Variants in SLC27A6 observed in about 807,000 individuals in gnomAD.
The protein encoded by SLC27A6 is long-chain fatty acid transport protein 6.
A neutral mutation model predicts 63.9 loss-of-function variants in SLC27A6; 74 were observed. The observed-to-expected ratio is 1.16, with a 90% CI of 0.96 to 1.40. SLC27A6 has a LOEUF of 1.40. Ranked by LOEUF, SLC27A6 falls within the 40% of genes most tolerant of loss-of-function variation. The probability of loss-of-function intolerance (pLI) is 0.00; values close to 1 mark genes in which losing one functional copy is unlikely to be tolerated. For missense variants in SLC27A6, 794 were observed against 732.9 expected (o/e 1.08, Z -0.96); for synonymous variants, 287 against 260.8 (o/e 1.10, Z -0.97).
Position 128,985,705 on chromosome 5 carries a change from A to G in SLC27A6, c.685+369A>G, listed in dbSNP as rs115465608. Among the ~76,000 whole-genome samples the G allele has an allele frequency of 3.7e-3, 570 of 152,300 alleles. 1 individual carries two copies. Among genetic ancestry groups the G allele is most frequent in the African/African-American group, 0.013 (534 of 41,558 alleles). On this transcript the variant is annotated intron_variant, in intron 2 of 9. Transcript: ENST00000262462. ...AGCTTCTCTGATCCTCAAATTTCTGATATCTAAAATGAAGAAATTAGTTTA... is the reference window on the plus strand; with the variant it reads ...AGCTTCTCTGATCCTCAAATTTCTGGTATCTAAAATGAAGAAATTAGTTTA...
chr5:128,985,350 C>A lies in SLC27A6; in HGVS notation c.685+14C>A. On this transcript the variant is annotated intron_variant, in intron 2 of 9. Transcript: ENST00000262462. ...CTGGAACAACAGGTATGATCCAATT[C>A]TTTTGAAGGCTAAAATGAATGCGAG... 6.2e-7 allele frequency: 1 copy of A among 1,607,766 alleles called. No individual in the cohort carries two copies. The highest frequency in any genetic ancestry group is 1.7e-5 in the Admixed American group (1 of 59,960).
intron 6 of SLC27A6, 141 bp from the exon 7 acceptor site, chr5:129,026,992 T>A (rs892581552): frequency 2.3e-5 from 15 of 653,264 alleles, no homozygotes; most frequent in African/African-American, 2.0e-4. Flanking sequence ...GGGTAAATGA[T>A]GTCAAATACA....
chr5:129,015,448 C>CT (rs1561628955), intron 4 of SLC27A6, among the ~76,000 whole-genome samples: 1 of 152,102 alleles, frequency 6.6e-6, no homozygotes, highest in Non-Finnish European at 1.5e-5. Flanking sequence ...GTATTATTAT[C>CT]TTTTTTAAAA....
In SLC27A6 at chr5:129,027,077, T is replaced by A. The variant is rs143634523; in HGVS notation, c.1256-56T>A. 134 of 1,346,290 alleles carry A rather than the reference T, an allele frequency of 1.0e-4. 1 individual carries two copies. The African/African-American group carries it at 1.5e-3, about 15-fold the overall frequency. The allele number at this position is 1,346,290 out of a possible 1,614,324, so 83.4% of individuals were successfully genotyped here. A position where few individuals can be genotyped will look rare whatever the true frequency, so the allele number is the denominator to read the frequency against. On this transcript the variant is annotated intron_variant, in intron 6 of 9. Coordinates refer to ENST00000262462, the MANE Select transcript of SLC27A6 (RefSeq NM_001017372.3). ...AGATATAATATAGATACATTCATGGTGTGTGTAACAATAGTTTTAATCAGA... is the reference window on the plus strand; with the variant it reads ...AGATATAATATAGATACATTCATGGAGTGTGTAACAATAGTTTTAATCAGA...
chr5:128,974,283 A>G (rs1750298956), intron 1 of SLC27A6, among the ~76,000 whole-genome samples: 1 of 152,224 alleles, frequency 6.6e-6, no homozygotes, highest in South Asian at 2.1e-4. Context: ...TTTAACACCA[A>G]CAGTCAGTTT....
intron 4 of SLC27A6, among the ~76,000 whole-genome samples, chr5:129,006,322 C>T (rs573319992): frequency 3.9e-5 from 6 of 151,918 alleles, no homozygotes; most frequent in Non-Finnish European, 8.8e-5. Flanking sequence ...GATCTCCTGA[C>T]CTCGTGATCT....
intron 2 of SLC27A6, among the ~76,000 whole-genome samples, chr5:128,987,065 C>T (rs909940876): frequency 6.6e-6 from 1 of 152,066 alleles, no homozygotes; most frequent in Non-Finnish European, 1.5e-5. Flanking sequence ...AAAAGATGAA[C>T]TTCTGAAAAT....
At chr5:128,967,913 C>T (rs376541814) in intron 1 of SLC27A6, among the ~76,000 whole-genome samples, 4 of 152,038 alleles carry the variant, frequency 2.6e-5, no homozygotes, top group African/African-American at 9.6e-5. Flanking sequence ...CCTCCCCACT[C>T]CCCCCACCCC....
chr5:128,983,778 G>T (rs531986067), intron 1 of SLC27A6, among the ~76,000 whole-genome samples: 22 of 152,106 alleles, frequency 1.4e-4, no homozygotes, highest in Non-Finnish European at 2.5e-4. Flanking sequence ...CACAAACTTG[G>T]TGGCTTAAAA....
At chr5:128,978,059 A>G (rs1191525855) in intron 1 of SLC27A6, among the ~76,000 whole-genome samples, 2 of 152,214 alleles carry the variant, frequency 1.3e-5, no homozygotes, top group Non-Finnish European at 2.9e-5. Context: ...ATGCCATTTG[A>G]TATATGTTCT....
intron 4 of SLC27A6, among the ~76,000 whole-genome samples, chr5:129,004,529 CATTT>C (rs1751453656): frequency 6.6e-6 from 1 of 152,086 alleles, no homozygotes; most frequent in Admixed American, 6.5e-5. Context: ...TTTGTGTATT[CATTT>C]ATTTAATTGT....
rs550709618 is a variant in SLC27A6, at chr5:128,970,176, T to C, written c.481+3558T>C. 2.2e-3 allele frequency among the ~76,000 whole-genome samples: 336 copies of C among 149,678 alleles called. 2 individuals are homozygous for C. The highest frequency in any genetic ancestry group is 7.8e-3 in the African/African-American group (319 of 41,106). ...CTGGATTTGGTTTGCCAGTATTTTA[T>C]TGAGGATTTTTGCATCAGTGTTCAT... On this transcript the variant is annotated intron_variant, in intron 1 of 9. Coordinates refer to ENST00000262462, the MANE Select transcript of SLC27A6 (RefSeq NM_001017372.3).
intron 4 of SLC27A6, 127 bp downstream of exon 4, chr5:128,990,591 C>A: frequency 2.0e-6 from 2 of 982,292 alleles, no homozygotes; most frequent in Non-Finnish European, 2.9e-6. Flanking sequence ...TTAGAGCTTC[C>A]AAGATAGTGG....
intron 4 of SLC27A6, among the ~76,000 whole-genome samples, chr5:128,994,590 G>C (rs1398658339): frequency 6.6e-6 from 1 of 152,150 alleles, no homozygotes. Flanking sequence ...ACGTGACATG[G>C]TCCAGGTCCT....
intron 4 of SLC27A6, among the ~76,000 whole-genome samples, chr5:128,997,998 G>A (rs77069882): frequency 2.4e-4 from 37 of 152,088 alleles, no homozygotes; most frequent in African/African-American, 7.7e-4. Flanking sequence ...ACAAAATGTA[G>A]GTTGAATGCA....
chr5:128,976,311 C>T (rs1417896327), intron 1 of SLC27A6, among the ~76,000 whole-genome samples: 1 of 152,108 alleles, frequency 6.6e-6, no homozygotes, highest in East Asian at 1.9e-4. Context: ...GAGTTCGAGA[C>T]CAGTCTGACC....
intron 4 of SLC27A6, 46 bp from the exon 5 acceptor site, chr5:129,015,839 A>G: frequency 7.7e-7 from 1 of 1,307,000 alleles, no homozygotes; most frequent in Non-Finnish European, 1.1e-6. Context: ...TAAAGAAAGA[A>G]TTAGAAACTG....
chr5:129,030,834 G>A (rs994471722), intron 9 of SLC27A6, among the ~76,000 whole-genome samples: 38 of 151,862 alleles, frequency 2.5e-4, no homozygotes, highest in African/African-American at 9.2e-4. Flanking sequence ...ACTTATATGT[G>A]TGCGTATATT....
chr5:128,984,144 G>A (rs1241836519), intron 1 of SLC27A6, among the ~76,000 whole-genome samples: 2 of 152,102 alleles, frequency 1.3e-5, no homozygotes, highest in Non-Finnish European at 2.9e-5. Context: ...GTAAGGGAGT[G>A]GTGAATTTAA....
Sources: allele counts gnomAD v4.1 joint callset (sites outside exome capture counted in the v4.1 genomes callset), GRCh38; gene constraint gnomAD v4.1.1; transcripts MANE v1.5; gene names NCBI Gene and HGNC (gene_info 2026-07-23, HGNC 2026-07-21).